Variants in L3MBTL4 observed in about 807,000 individuals in gnomAD.
The protein encoded by L3MBTL4 is lethal(3)malignant brain tumor-like protein 4.
Under a neutral mutation model 84.5 loss-of-function variants are expected in L3MBTL4, and 70 were observed. The ratio of observed to expected loss-of-function variants is 0.83; its 90% CI spans 0.68 to 1.01. The LOEUF (loss-of-function observed/expected upper bound fraction) is 1.01. Among genes scored for constraint, L3MBTL4 ranks in the 50% least tolerant of loss-of-function variants. L3MBTL4 has a pLI of 0.00. For missense variants in L3MBTL4, 715 were observed against 754.8 expected (o/e 0.95, Z 0.62); for synonymous variants, 274 against 259.8 (o/e 1.05, Z -0.52).
intron 4 of L3MBTL4, among the ~76,000 whole-genome samples, chr18:6,264,684 T>G (rs2048552754): frequency 6.6e-6 from 1 of 152,088 alleles, no homozygotes. Context: ...CTTGGAAAGC[T>G]GAAGCAGGAG....
intron 6 of L3MBTL4, among the ~76,000 whole-genome samples, chr18:6,243,643 T>G (rs1345044811): frequency 6.6e-6 from 1 of 152,244 alleles, no homozygotes; most frequent in African/African-American, 2.4e-5. Context: ...TAGTGCATTC[T>G]GCAAAATAGT....
At chr18:6,357,332 G>A (rs2053492038) in intron 1 of L3MBTL4, among the ~76,000 whole-genome samples, 1 of 152,048 alleles carries the variant, frequency 6.6e-6, no homozygotes, top group Non-Finnish European at 1.5e-5. Context: ...TTATTGGGTG[G>A]AACTTCAGAA....
At chr18:6,326,336 T>C (rs1179038991) in intron 1 of L3MBTL4, 2 of 152,290 alleles carry the variant, frequency 1.3e-5, no homozygotes, top group Non-Finnish European at 2.9e-5. Flanking sequence ...AGAAAGCAGA[T>C]GGCAGACCAA....
At chr18:5,965,442 C>T (rs1276735911) in intron 17 of L3MBTL4, among the ~76,000 whole-genome samples, 9 of 152,312 alleles carry the variant, frequency 5.9e-5, no homozygotes, top group African/African-American at 1.4e-4. Flanking sequence ...CATTCCAACA[C>T]GCCCCATCCC....
intron 13 of L3MBTL4, among the ~76,000 whole-genome samples, chr18:6,154,953 C>T (rs931234906): frequency 2.6e-5 from 4 of 152,004 alleles, no homozygotes; most frequent in South Asian, 2.1e-4. Flanking sequence ...AAGAAAATTA[C>T]GGAAAATGTT....
rs570304744 is a variant in L3MBTL4, at chr18:6,317,627, A to G, written c.-90-5571T>C. ...TTATGTAAAAGGTCCAATCCTAAAA[A>G]TAACTGGTGTTCCTGAGGGAGAAGA... On this transcript the variant is annotated intron_variant, in intron 1 of 18. Transcript: ENST00000317931. Among the ~76,000 whole-genome samples the G allele has an allele frequency of 7.2e-4, 109 of 152,340 alleles. 1 individual carries two copies. The South Asian group carries it at 0.022, about 31-fold the overall frequency.
intron 12 of L3MBTL4, among the ~76,000 whole-genome samples, chr18:6,195,110 C>T (rs890638550): frequency 1.2e-4 from 18 of 152,128 alleles, no homozygotes; most frequent in African/African-American, 4.3e-4. Flanking sequence ...AGTAGGTACT[C>T]AGGAGGTAAT....
At chr18:6,248,724 T>G (rs993113213) in intron 5 of L3MBTL4, among the ~76,000 whole-genome samples, 5 of 152,188 alleles carry the variant, frequency 3.3e-5, no homozygotes, top group Non-Finnish European at 4.4e-5. Context: ...CTTTTTGCAT[T>G]ACTAATGTCT....
At chr18:6,035,895 G>A (rs941680044) in intron 16 of L3MBTL4, among the ~76,000 whole-genome samples, 6 of 152,096 alleles carry the variant, frequency 3.9e-5, no homozygotes, top group Non-Finnish European at 7.4e-5. Flanking sequence ...AGAAAAGCAA[G>A]AGCAAACACA....
At chr18:6,007,964 T>G (rs2054567621) in intron 16 of L3MBTL4, among the ~76,000 whole-genome samples, 1 of 152,180 alleles carries the variant, frequency 6.6e-6, no homozygotes, top group Non-Finnish European at 1.5e-5. Context: ...CAAGGATACA[T>G]GAGACTTTTG....
At chr18:6,314,583 C>A (rs776821623) in intron 1 of L3MBTL4, among the ~76,000 whole-genome samples, 10 of 152,088 alleles carry the variant, frequency 6.6e-5, no homozygotes, top group Admixed American at 1.3e-4. Flanking sequence ...ATTTGTATTT[C>A]TGTATAAAAA....
rs481666 is a variant in L3MBTL4 at position 6,052,522 on chromosome 18, G to A, written c.1444+28359C>T. Among the ~76,000 whole-genome samples the A allele has an allele frequency of 6.5e-3, 994 of 152,320 alleles. 10 individuals carry two copies. Among genetic ancestry groups the A allele is most frequent in the African/African-American group, 0.022 (911 of 41,580 alleles). On this transcript the variant is annotated intron_variant, in intron 16 of 18. Transcript: ENST00000317931. ...TGCCAGTTGCTGGCTACAGTGAACA[G>A]TGGGGCTTACTGCACTTCTACGCCT...
At chr18:6,171,013 G>A (rs1237185041) in intron 13 of L3MBTL4, among the ~76,000 whole-genome samples, 1 of 152,154 alleles carries the variant, frequency 6.6e-6, no homozygotes, top group Non-Finnish European at 1.5e-5. Flanking sequence ...AGAACTGTTT[G>A]TCCAATTATT....
chr18:6,146,787 G>C (rs2042673458), intron 13 of L3MBTL4, among the ~76,000 whole-genome samples: 1 of 152,178 alleles, frequency 6.6e-6, no homozygotes, highest in African/African-American at 2.4e-5. Context: ...AATGTAGGGA[G>C]GGGTTTAAAT....
At chr18:6,018,563 T>C (rs773022659) in intron 16 of L3MBTL4, among the ~76,000 whole-genome samples, 12 of 152,206 alleles carry the variant, frequency 7.9e-5, no homozygotes, top group Non-Finnish European at 1.5e-4. Flanking sequence ...GTGAAAGACG[T>C]TCCGTGTGCT....
intron 13 of L3MBTL4, among the ~76,000 whole-genome samples, chr18:6,147,133 T>C (rs1189244577): frequency 6.6e-6 from 1 of 152,172 alleles, no homozygotes; most frequent in East Asian, 1.9e-4. Flanking sequence ...TTTACTATCT[T>C]TACTTTGGAC....
intron 12 of L3MBTL4, among the ~76,000 whole-genome samples, chr18:6,181,550 G>A (rs1223915792): frequency 2.0e-5 from 3 of 151,714 alleles, no homozygotes; most frequent in South Asian, 4.2e-4. Context: ...GCCTGGTCTC[G>A]AACTCCTGAC....
Position 6,108,137 on chromosome 18 carries a change from G to C in L3MBTL4, c.1200-14609C>G, listed in dbSNP as rs147490793. 1.3e-3 allele frequency among the ~76,000 whole-genome samples: 199 copies of C among 152,216 alleles called. 1 individual carries two copies. Among genetic ancestry groups the C allele is most frequent in the African/African-American group, 4.6e-3 (192 of 41,530 alleles). On this transcript the variant is annotated intron_variant, in intron 14 of 18. Transcript: ENST00000317931. ...ACACTAACTAAAACAGGAGTGTCAC[G>C]CATGGTCCCTGGTCTCCAACTGCAG...
chr18:6,096,605 C>T lies in L3MBTL4; in HGVS notation c.1200-3077G>A, dbSNP rs533744861. 1.7e-4 allele frequency among the ~76,000 whole-genome samples: 26 copies of T among 152,180 alleles called. No homozygotes were observed. The South Asian group carries it at 2.5e-3, about 15-fold the overall frequency. On this transcript the variant is annotated intron_variant, in intron 14 of 18. Transcript: ENST00000317931. ...ACTGGTGCTTATGTGCATGCACGTA[C>T]GCATGCATGTGTGTGTGTGTTTAAG...
Sources: gnomAD v4.1 joint callset for allele counts (sites outside exome capture counted in the v4.1 genomes callset) on GRCh38, gnomAD v4.1.1 for gene constraint, MANE v1.5 for transcripts, NCBI Gene and HGNC (gene_info 2026-07-23, HGNC 2026-07-21) for gene names.